Variants in ALDH1A2 observed in about 807,000 individuals in gnomAD.
The protein encoded by ALDH1A2 is aldehyde dehydrogenase 1 family member A2, also known as retinal dehydrogenase 2.
A neutral mutation model predicts 60.3 loss-of-function variants in ALDH1A2; 27 were observed. The observed-to-expected ratio is 0.45, with a 90% CI of 0.33 to 0.62. The LOEUF is 0.62. Ranked by LOEUF, ALDH1A2 falls within the 20% of genes least tolerant of loss-of-function variation. The probability of loss-of-function intolerance (pLI) is 0.02; values close to 1 mark genes in which losing one functional copy is unlikely to be tolerated. For missense variants in ALDH1A2, 581 were observed against 643.8 expected, an observed-to-expected ratio of 0.90 and a Z score of 1.06; for synonymous variants, 289 against 232.4, an observed-to-expected ratio of 1.24 and a Z score of -2.21.
intron 12 of ALDH1A2, among the ~76,000 whole-genome samples, chr15:57,958,162 A>G (rs1830456851): frequency 6.6e-6 from 1 of 152,066 alleles, no homozygotes; most frequent in Admixed American, 6.5e-5. Flanking sequence ...GCTTAACAAA[A>G]CCATCACCCA....
chr15:58,002,935 G>A (rs1186553273), intron 4 of ALDH1A2, among the ~76,000 whole-genome samples: 4 of 151,868 alleles, frequency 2.6e-5, no homozygotes, highest in African/African-American at 9.7e-5. Flanking sequence ...TAACTATGAT[G>A]ATAAACTCTA....
At chr15:58,020,976 CA>C (rs1895911354) in intron 1 of ALDH1A2, among the ~76,000 whole-genome samples, 1 of 152,098 alleles carries the variant, frequency 6.6e-6, no homozygotes, top group African/African-American at 2.4e-5. Flanking sequence ...AACCATTTAT[CA>C]ATATGAAGTG....
intron 4 of ALDH1A2, among the ~76,000 whole-genome samples, chr15:57,998,137 A>G (rs764091501): frequency 1.3e-5 from 2 of 152,070 alleles, no homozygotes; most frequent in Non-Finnish European, 2.9e-5. Context: ...GAAAACTAGC[A>G]CAAGACAAGG....
intron 1 of ALDH1A2, among the ~76,000 whole-genome samples, chr15:58,025,026 A>T (rs1185620479): frequency 6.6e-6 from 1 of 152,186 alleles, no homozygotes; most frequent in Non-Finnish European, 1.5e-5. Flanking sequence ...TGGGAATAAC[A>T]AAAGCAGTGC....
At chr15:58,033,040 TGAA>T in intron 1 of ALDH1A2, among the ~76,000 whole-genome samples, 1 of 151,814 alleles carries the variant, frequency 6.6e-6, no homozygotes. Flanking sequence ...AGGGAGAGGA[TGAA>T]GAGAGGTAGG....
chr15:58,017,159 C>T (rs1036846840), intron 1 of ALDH1A2, among the ~76,000 whole-genome samples: 7 of 152,082 alleles, frequency 4.6e-5, no homozygotes, highest in African/African-American at 1.7e-4. Context: ...AAAAAGGAAA[C>T]ATGATATTCT....
chr15:58,020,629 C>T (rs1053739872), intron 1 of ALDH1A2, among the ~76,000 whole-genome samples: 3 of 152,166 alleles, frequency 2.0e-5, no homozygotes, highest in Non-Finnish European at 4.4e-5. Context: ...CTAATCCCGT[C>T]CTCCAGCTTG....
chr15:58,060,754 A>T (rs1441458684), intron 1 of ALDH1A2, among the ~76,000 whole-genome samples: 1 of 152,128 alleles, frequency 6.6e-6, no homozygotes, highest in Non-Finnish European at 1.5e-5. Flanking sequence ...TTACAATAAA[A>T]CTTTATTTAT....
At chr15:58,033,442 T>A (rs1387300930) in intron 1 of ALDH1A2, among the ~76,000 whole-genome samples, 1 of 151,938 alleles carries the variant, frequency 6.6e-6, no homozygotes. Context: ...AGTTGCACAC[T>A]GTATTTTTTT....
chr15:58,024,180 A>C (rs1186058537), intron 1 of ALDH1A2, among the ~76,000 whole-genome samples: 1 of 152,128 alleles, frequency 6.6e-6, no homozygotes, highest in Non-Finnish European at 1.5e-5. Flanking sequence ...AAGAGAAAAG[A>C]CTCAAATGGT....
rs1430796000 is a variant in ALDH1A2, at chr15:57,953,615, T to TGTCA, written c.*1578_*1581dup. 2.0e-5 allele frequency: 3 copies of TGTCA among 152,720 alleles called. No homozygotes were observed. The highest frequency in any genetic ancestry group is 2.1e-4 in the South Asian group (1 of 4,832). The allele number at this position is 152,720 out of a possible 1,614,324, so 9.5% of individuals were successfully genotyped here. A position where few individuals can be genotyped will look rare whatever the true frequency, so the allele number is the denominator to read the frequency against. On this transcript the variant is annotated 3_prime_UTR_variant, in exon 13 of 13. Coordinates refer to ENST00000249750, the MANE Select transcript of ALDH1A2 (RefSeq NM_003888.4). ...TGGAAGCACTCAGAAATACGGCATC[T>TGTCA]GTCAGGGCTCACGGCACTGGGCTGC...
At chr15:57,960,370 A>G (rs531557839) in intron 12 of ALDH1A2, among the ~76,000 whole-genome samples, 1 of 152,140 alleles carries the variant, frequency 6.6e-6, no homozygotes, top group Non-Finnish European at 1.5e-5. Flanking sequence ...GCAAATACAG[A>G]TCAGTTTCTT....
chr15:58,065,711 C>T lies in ALDH1A2; in HGVS notation c.-61G>A, dbSNP rs980930423. 3.2e-6 allele frequency: 4 copies of T among 1,231,156 alleles called. No individual in the cohort carries two copies. Among genetic ancestry groups the T allele is most frequent in the Non-Finnish European group, 4.4e-6 (4 of 900,162 alleles). The allele number at this position is 1,231,156 out of a possible 1,614,324, so 76.3% of individuals were successfully genotyped here. Reference sequence around the variant, plus strand: ...GGCAGTGCGGGCTGTGCGCGCGGTCCGCGGCCCGGGGGCGCGCTCGCCTGT... The same window carrying T: ...GGCAGTGCGGGCTGTGCGCGCGGTCTGCGGCCCGGGGGCGCGCTCGCCTGT... On this transcript the variant is annotated 5_prime_UTR_variant, in exon 1 of 13. Coordinates refer to ENST00000249750, the MANE Select transcript of ALDH1A2 (RefSeq NM_003888.4).
chr15:58,065,656 C>T lies in ALDH1A2; in HGVS notation c.-6G>A, dbSNP rs34645259. The T allele has an allele frequency of 0.04, 63,286 of 1,579,938 alleles. 1,428 individuals are homozygous for T. Among genetic ancestry groups the T allele is most frequent in the Non-Finnish European group, 0.046 (53,076 of 1,161,404 alleles). ...TCTATCTTGCTGGAAGTCATGGTGG[C>T]GGGCCGGGTGTCCCTAGCCCGCGGC... On this transcript the variant is annotated 5_prime_UTR_variant, in exon 1 of 13. Transcript: ENST00000249750.
intron 1 of ALDH1A2, among the ~76,000 whole-genome samples, chr15:58,047,064 C>G (rs770296290): frequency 6.6e-6 from 1 of 152,078 alleles, no homozygotes; most frequent in South Asian, 2.1e-4. Context: ...CAGCCCACAG[C>G]AAAATGGCCA....
chr15:58,040,406 T>A (rs1455300546), intron 1 of ALDH1A2, among the ~76,000 whole-genome samples: 1 of 151,924 alleles, frequency 6.6e-6, no homozygotes, highest in East Asian at 1.9e-4. Flanking sequence ...TAACCCAAAG[T>A]ACATGGATAA....
chr15:57,955,060 G>T lies in ALDH1A2; in HGVS notation c.*137C>A. 1.0e-6 allele frequency: 1 copy of T among 988,154 alleles called. No homozygotes were observed. The allele number at this position is 988,154 out of a possible 1,614,324, so 61.2% of individuals were successfully genotyped here. ...GTTTGCTTTAGTTGTGCAGTGACCTGCCTGGCCTACATGTTATCTTTTCAA... is the reference window on the plus strand; with the variant it reads ...GTTTGCTTTAGTTGTGCAGTGACCTTCCTGGCCTACATGTTATCTTTTCAA... On this transcript the variant is annotated 3_prime_UTR_variant, in exon 13 of 13. Coordinates refer to ENST00000249750, the MANE Select transcript of ALDH1A2 (RefSeq NM_003888.4).
At chr15:58,064,606 T>C (rs1409166244) in intron 1 of ALDH1A2, among the ~76,000 whole-genome samples, 1 of 152,172 alleles carries the variant, frequency 6.6e-6, no homozygotes, top group East Asian at 1.9e-4. Context: ...CCGAAAGGAC[T>C]AGAAAATCAA....
At chr15:58,011,786 G>A (rs1295958240) in intron 3 of ALDH1A2, among the ~76,000 whole-genome samples, 1 of 152,112 alleles carries the variant, frequency 6.6e-6, no homozygotes, top group Non-Finnish European at 1.5e-5. Context: ...CCTTAAAAAA[G>A]GGAATCAAAC....
Sources: allele counts gnomAD v4.1 joint callset (sites outside exome capture counted in the v4.1 genomes callset), GRCh38; gene constraint gnomAD v4.1.1; transcripts MANE v1.5; gene names NCBI Gene and HGNC (gene_info 2026-07-23, HGNC 2026-07-21).